The following IRF8 variants were observed in gnomAD, a reference collection of about 807,000 sequenced individuals.
IRF8 encodes interferon consensus sequence binding protein 1.
A neutral mutation model predicts 48.7 loss-of-function variants in IRF8; 14 were observed. That is an observed-to-expected ratio of 0.29 (90% CI 0.19 to 0.45). The LOEUF (loss-of-function observed/expected upper bound fraction) is 0.45, where lower values mean the gene tolerates loss of function less well. Ranked by LOEUF, IRF8 falls within the 20% of genes least tolerant of loss-of-function variation. The pLI is 1.00. For synonymous variants in IRF8, 278 were observed against 227.3 expected (o/e 1.22, Z -2.01); for missense variants, 493 against 580.7 (o/e 0.85, Z 1.55).
chr16:85,905,358 T>TCGG (rs899374827), intron 2 of IRF8, among the ~76,000 whole-genome samples: 7 of 151,394 alleles, frequency 4.6e-5, no homozygotes, highest in African/African-American at 1.7e-4. Context: ...CAACTTGTGC[T>TCGG]CGGGGGGTAA....
At chr16:85,911,707 C>T in intron 4 of IRF8, 49 bp downstream of exon 4, 1 of 1,519,128 alleles carries the variant, frequency 6.6e-7, no homozygotes, top group Non-Finnish European at 9.1e-7. Context: ...GGAGGAGTCT[C>T]ATGTCTTCTG....
chr16:85,913,204 T>G lies in IRF8; in HGVS notation c.521T>G (p.Leu174Arg). The stretch of plus-strand genomic sequence containing the variant: ...CCGGAGGCCTGTCGGAGTCAGCTCC[T>G]TCCAGACTGGTGGGCGCAGCAGCCC... Reference protein sequence around the residue: ...SPPEACRSQLLPDWWAQQPST... With the variant: ...SPPEACRSQLRPDWWAQQPST... Residue 174 changes from leucine to arginine, a missense_variant, in exon 5 of 9, where the codon CTT becomes CGT. Physicochemically the swap from Leu to Arg is moderately radical, Grantham distance 102. Around this residue, in one of 3 missense-constraint regions of IRF8, gnomAD observed 408 missense variants for 449.6 expected, o/e 0.91. Transcript: ENST00000268638. 1 of 1,614,060 alleles carries G rather than the reference T, an allele frequency of 6.2e-7. No homozygotes were observed. The highest frequency in any genetic ancestry group is 8.5e-7 in the Non-Finnish European group (1 of 1,179,924).
chr16:85,909,212 G>T (rs1191573319), intron 3 of IRF8, 39 bp downstream of exon 3: 1 of 1,575,190 alleles, frequency 6.3e-7, no homozygotes, highest in Non-Finnish European at 8.7e-7. Context: ...TCCAGAAGCT[G>T]CCCTGGCCTG....
At chr16:85,902,010 G>T (rs1904840846) in intron 1 of IRF8, among the ~76,000 whole-genome samples, 2 of 151,372 alleles carry the variant, frequency 1.3e-5, no homozygotes, top group Admixed American at 1.3e-4. Flanking sequence ...GCTCTAAGTC[G>T]ATAGGTCATG....
intron 2 of IRF8, among the ~76,000 whole-genome samples, chr16:85,905,506 A>T (rs900821740): frequency 7.2e-5 from 11 of 152,202 alleles, no homozygotes; most frequent in African/African-American, 2.7e-4. Context: ...AAATGAGTCT[A>T]CCATCTCAGC....
intron 6 of IRF8, 29 bp downstream of exon 6, chr16:85,914,549 G>A (rs370093332): frequency 9.9e-6 from 16 of 1,613,342 alleles, no homozygotes; most frequent in African/African-American, 4.0e-5. Context: ...TGAGAGGGGC[G>A]TGGGCACTGT....
chr16:85,909,232 C>A, intron 3 of IRF8, 59 bp downstream of exon 3: 1 of 1,459,534 alleles, frequency 6.9e-7, no homozygotes, highest in Non-Finnish European at 9.6e-7. Context: ...GTAGCCTTCA[C>A]CACAGAACTT....
At chr16:85,906,457 G>T (rs1905006322) in intron 2 of IRF8, among the ~76,000 whole-genome samples, 1 of 152,212 alleles carries the variant, frequency 6.6e-6, no homozygotes, top group Non-Finnish European at 1.5e-5. Context: ...GAGGCTGGGA[G>T]AGGGCCAGGT....
At chr16:85,918,315 CAA>C (rs752912804) in intron 6 of IRF8, 100 bp from the exon 7 acceptor site, 42 of 1,376,246 alleles carry the variant, frequency 3.1e-5, no homozygotes, top group Non-Finnish European at 4.0e-5. Context: ...TCAAGACACA[CAA>C]AGAGTTACCC....
intron 6 of IRF8, among the ~76,000 whole-genome samples, chr16:85,917,533 C>G (rs192181743): frequency 6.6e-6 from 1 of 152,298 alleles, no homozygotes; most frequent in Admixed American, 6.5e-5. Flanking sequence ...AAAGGAAGAC[C>G]TGTGGCACCT....
chr16:85,914,790 G>A (rs1024786538), intron 6 of IRF8, among the ~76,000 whole-genome samples: 4 of 151,912 alleles, frequency 2.6e-5, no homozygotes, highest in African/African-American at 7.3e-5. Context: ...GCAGGACCTC[G>A]TGTGGAAGTC....
rs1352249207 is a variant in IRF8, at chr16:85,920,136, G to T, written c.1016G>T (p.Gly339Val). The T allele has an allele frequency of 1.9e-6, 3 of 1,614,140 alleles. No individual in the cohort carries two copies. The highest frequency in any genetic ancestry group is 1.1e-5 in the South Asian group (1 of 91,078). The change falls in exon 8 of 9, where the codon GGC (glycine) becomes GTC (valine). Residue 339 changes from glycine (G) to valine (V), a missense_variant. Coordinates refer to ENST00000268638, the MANE Select transcript of IRF8 (RefSeq NM_002163.4). ...CTGCAGCAGTTCTATAACAGCCAGGGCCGGCTTCCTGACGGCAGGGTGGTG... is the reference window on the plus strand; with the variant it reads ...CTGCAGCAGTTCTATAACAGCCAGGTCCGGCTTCCTGACGGCAGGGTGGTG... ...RELQQFYNSQ[G>V]RLPDGRVVLC... is the part of the protein sequence containing the mutation.
intron 7 of IRF8, among the ~76,000 whole-genome samples, chr16:85,919,577 C>T (rs1050510333): frequency 1.3e-5 from 2 of 152,210 alleles, no homozygotes; most frequent in African/African-American, 4.8e-5. Flanking sequence ...GCAGGCAGAG[C>T]GGCACAGAAG....
chr16:85,912,463 A>C (rs1275570000), intron 4 of IRF8, among the ~76,000 whole-genome samples: 1 of 152,164 alleles, frequency 6.6e-6, no homozygotes, highest in Non-Finnish European at 1.5e-5. Context: ...AAGATAACAG[A>C]ATGTAACCTA....
Position 85,922,529 on chromosome 16 carries a change from A to T in IRF8, c.*1247A>T, listed in dbSNP as rs1905619972. 1 of 152,358 alleles carries T rather than the reference A, an allele frequency of 6.6e-6. No individual in the cohort carries two copies. Among genetic ancestry groups the T allele is most frequent in the African/African-American group, 2.4e-5 (1 of 41,456 alleles). The allele number at this position is 152,358 out of a possible 1,614,324, so 9.4% of individuals were successfully genotyped here. On this transcript the variant is annotated 3_prime_UTR_variant, in exon 9 of 9. Coordinates refer to ENST00000268638, the MANE Select transcript of IRF8 (RefSeq NM_002163.4). ...GCACATATCTTTAATATGCTGAATG[A>T]ATATTTATTTTTGTATCCATTAAAA...
In IRF8 at chr16:85,918,736, A is replaced by G. The variant is rs1905420663; in HGVS notation, c.921A>G (p.Lys307=). Residue 307 remains lysine (K), a synonymous_variant, in exon 7 of 9, where the codon AAA becomes AAG. Coordinates refer to ENST00000268638, the MANE Select transcript of IRF8 (RefSeq NM_002163.4). The part of the protein sequence containing the change: ...VFCSGNAVVC[K]GRPNKLERDE... ...GCAGCGGCAACGCCGTGGTGTGCAAAGGCAGGCCCAACAAGCTGGAGCGTG... is the reference window on the plus strand; with the variant it reads ...GCAGCGGCAACGCCGTGGTGTGCAAGGGCAGGCCCAACAAGCTGGAGCGTG... 1 of 1,612,526 alleles carries G rather than the reference A, an allele frequency of 6.2e-7. No homozygotes were observed. The highest frequency in any genetic ancestry group is 1.3e-5 in the African/African-American group (1 of 74,954).
At chr16:85,900,123 A>T in intron 1 of IRF8, among the ~76,000 whole-genome samples, 1 of 152,304 alleles carries the variant, frequency 6.6e-6, no homozygotes, top group East Asian at 1.9e-4. Flanking sequence ...CAGAGAGAGA[A>T]ATGGCTTTGG....
Position 85,921,183 on chromosome 16 carries a change from C to T in IRF8, c.1182C>T (p.Pro394=), listed in dbSNP as rs777276939. The part of the protein sequence containing the change: ...SCGAGSVMQA[P]EEPPPDQVFR... ...GAGCCGGCTCTGTGATGCAGGCCCC[C>T]GAGGAGCCGCCGCCAGACCAGGTCT... The change falls in exon 9 of 9, where the codon CCC becomes CCT. Residue 394 remains proline (P), a synonymous_variant. Transcript: ENST00000268638. 4.2e-5 allele frequency: 68 copies of T among 1,614,066 alleles called. No individual in the cohort carries two copies. Among genetic ancestry groups the T allele is most frequent in the Middle Eastern group, 1.6e-4 (1 of 6,080 alleles).
intron 8 of IRF8, among the ~76,000 whole-genome samples, 170 bp downstream of exon 8, chr16:85,920,394 G>T (rs904758175): frequency 6.6e-6 from 1 of 152,016 alleles, no homozygotes; most frequent in African/African-American, 2.4e-5. Context: ...CTACAGGCCC[G>T]TGCCACCACG....
Sources: gnomAD v4.1 joint callset for allele counts (sites outside exome capture counted in the v4.1 genomes callset) on GRCh38, gnomAD v4.1.1 for gene constraint, gnomAD v4.1.1 regional missense constraint, MANE v1.5 for transcripts, NCBI Gene and HGNC (gene_info 2026-07-23, HGNC 2026-07-21) for gene names.